The following NRP1 variants were observed in gnomAD, a reference collection of about 807,000 sequenced individuals.
The protein encoded by NRP1 is neuropilin 1.
Under a neutral mutation model 106.7 loss-of-function variants are expected in NRP1, and 35 were observed. That is an observed-to-expected ratio of 0.33 (90% CI 0.25 to 0.43). The LOEUF (loss-of-function observed/expected upper bound fraction) is 0.43. Among genes scored for constraint, NRP1 ranks in the 20% least tolerant of loss-of-function variants. NRP1 has a pLI of 1.00. For missense variants in NRP1, 1,024 were observed against 1,170.4 expected (o/e 0.87, Z 1.83); for synonymous variants, 437 against 417.9 (o/e 1.05, Z -0.56).
intron 16 of NRP1, among the ~76,000 whole-genome samples, chr10:33,181,537 G>A (rs934427353): frequency 6.6e-6 from 1 of 152,214 alleles, no homozygotes; most frequent in Admixed American, 6.5e-5. Flanking sequence ...AGCTGTGAGT[G>A]ATGGTGGAGC....
intron 15 of NRP1, among the ~76,000 whole-genome samples, chr10:33,184,402 C>T (rs2474730): frequency 0.15 from 23,495 of 152,174 alleles, 2,399 homozygotes; most frequent in African/African-American, 0.29. Context: ...AATTGAATTT[C>T]GTTAGAACTT....
At chr10:33,233,180 G>C (rs781355174) in intron 6 of NRP1, among the ~76,000 whole-genome samples, 11 of 152,120 alleles carry the variant, frequency 7.2e-5, no homozygotes, top group African/African-American at 1.2e-4. Flanking sequence ...AAAATTGTGT[G>C]AGTAGAGGAA....
intron 16 of NRP1, 116 bp downstream of exon 16, chr10:33,182,582 T>A (rs1835755264): frequency 1.4e-6 from 1 of 731,310 alleles, no homozygotes; most frequent in South Asian, 1.6e-5. Context: ...GGCATAGATG[T>A]TTTTTATTTG....
chr10:33,305,526 C>T (rs1357948352), intron 2 of NRP1, among the ~76,000 whole-genome samples: 1 of 151,908 alleles, frequency 6.6e-6, no homozygotes, highest in Admixed American at 6.6e-5. Flanking sequence ...GTGAGGGGAT[C>T]GTTGTCTCGG....
chr10:33,262,469 G>A (rs546305862), intron 4 of NRP1, among the ~76,000 whole-genome samples: 1 of 152,136 alleles, frequency 6.6e-6, no homozygotes, highest in South Asian at 2.1e-4. Context: ...TTGGGAGGCT[G>A]AGGCAGGAGG....
intron 9 of NRP1, among the ~76,000 whole-genome samples, chr10:33,210,860 T>C (rs901459540): frequency 6.6e-6 from 1 of 152,196 alleles, no homozygotes; most frequent in African/African-American, 2.4e-5. Flanking sequence ...TTTAAAATCT[T>C]GATATGATTA....
chr10:33,223,961 AT>A (rs2132918358), intron 7 of NRP1, among the ~76,000 whole-genome samples: 1 of 152,132 alleles, frequency 6.6e-6, no homozygotes, highest in Admixed American at 6.5e-5. Flanking sequence ...TTTGCTGAAA[AT>A]CATGTTTTAT....
At chr10:33,282,261 TGGTGGAGGCACTAG>T in intron 2 of NRP1, among the ~76,000 whole-genome samples, 1 of 152,292 alleles carries the variant, frequency 6.6e-6, no homozygotes, top group Admixed American at 6.5e-5. Flanking sequence ...TTAATTGGTA[TGGTGGAGGCACTAG>T]GGTGCAATTT....
chr10:33,284,827 T>A (rs1844399405), intron 2 of NRP1, among the ~76,000 whole-genome samples: 1 of 152,218 alleles, frequency 6.6e-6, no homozygotes. Context: ...GCCAATCTCA[T>A]TGATCACATG....
chr10:33,299,775 G>C (rs923117623), intron 2 of NRP1, among the ~76,000 whole-genome samples: 2 of 152,128 alleles, frequency 1.3e-5, no homozygotes, highest in Non-Finnish European at 2.9e-5. Context: ...GACAGAGAGA[G>C]ACCCCGTCTC....
chr10:33,207,069 G>A lies in NRP1; in HGVS notation c.1759+503C>T, dbSNP rs112517387. On this transcript the variant is annotated intron_variant, in intron 10 of 16. Coordinates refer to ENST00000374867, the MANE Select transcript of NRP1 (RefSeq NM_003873.7). ...TCTATGTGCTGATAATCGACACTGCGGACCGAAACTGGATCAGACACAGAC... is the reference window on the plus strand; with the variant it reads ...TCTATGTGCTGATAATCGACACTGCAGACCGAAACTGGATCAGACACAGAC... Among the ~76,000 whole-genome samples the A allele has an allele frequency of 5.0e-3, 765 of 152,190 alleles. 6 individuals are homozygous for A. Among genetic ancestry groups the A allele is most frequent in the African/African-American group, 0.017 (722 of 41,498 alleles).
chr10:33,308,419 T>G (rs2132760220), intron 2 of NRP1, among the ~76,000 whole-genome samples: 1 of 150,806 alleles, frequency 6.6e-6, no homozygotes, highest in African/African-American at 2.4e-5. Context: ...TTTAAGAGCC[T>G]AATATAATGT....
At chr10:33,202,705 T>C (rs960362346) in intron 11 of NRP1, 186 bp downstream of exon 11, 7 of 1,551,544 alleles carry the variant, frequency 4.5e-6, no homozygotes, top group Admixed American at 2.0e-5. Flanking sequence ...GTTGTGGCTA[T>C]TAAGAACAAC....
At chr10:33,203,126 T>A in intron 10 of NRP1, 131 bp from the exon 11 acceptor site, 1 of 827,900 alleles carries the variant, frequency 1.2e-6, no homozygotes, top group Non-Finnish European at 1.8e-6. Flanking sequence ...ATGGTTTGCC[T>A]CTCTTTCAGG....
intron 6 of NRP1, among the ~76,000 whole-genome samples, chr10:33,249,043 G>A (rs1414221353): frequency 3.6e-5 from 5 of 140,710 alleles, no homozygotes; most frequent in Non-Finnish European, 6.1e-5. Flanking sequence ...TTGTTTCTTT[G>A]AACAACAAAG....
At chr10:33,268,351 A>C (rs10827224) in intron 3 of NRP1, among the ~76,000 whole-genome samples, 24,381 of 152,112 alleles carry the variant, frequency 0.16, 2,250 homozygotes, top group East Asian at 0.47. Flanking sequence ...AACTGGGCCT[A>C]TTTGGTTAAT....
At chr10:33,331,986 C>T (rs566350370) in intron 1 of NRP1, among the ~76,000 whole-genome samples, 22 of 152,212 alleles carry the variant, frequency 1.4e-4, no homozygotes, top group African/African-American at 4.8e-4. Flanking sequence ...CTAATAGATT[C>T]CCTGTGGAAA....
intron 6 of NRP1, among the ~76,000 whole-genome samples, chr10:33,228,860 T>C (rs1839888876): frequency 6.6e-6 from 1 of 152,202 alleles, no homozygotes; most frequent in African/African-American, 2.4e-5. Flanking sequence ...ATACTAACAA[T>C]AGATTTTATA....
intron 2 of NRP1, among the ~76,000 whole-genome samples, chr10:33,306,140 G>T (rs754134154): frequency 2.0e-5 from 3 of 152,122 alleles, no homozygotes; most frequent in Non-Finnish European, 2.9e-5. Flanking sequence ...ATATTAATTT[G>T]CAAAGGCTAA....
Sources: gnomAD v4.1 joint callset for allele counts (sites outside exome capture counted in the v4.1 genomes callset) on GRCh38, gnomAD v4.1.1 for gene constraint, MANE v1.5 for transcripts, NCBI Gene and HGNC (gene_info 2026-07-23, HGNC 2026-07-21) for gene names.